RASEF: variants seen among roughly 807,000 people sequenced by gnomAD.
RASEF encodes RAS and EF-hand domain containing, also known as ras and EF-hand domain-containing protein.
RASEF carries 68 observed loss-of-function variants against 90.1 expected under a neutral mutation model. The ratio of observed to expected loss-of-function variants is 0.75; its 90% CI spans 0.62 to 0.92. RASEF has a LOEUF of 0.92. Ranked by LOEUF, RASEF falls within the 40% of genes least tolerant of loss-of-function variation. The pLI is 0.00. For missense variants in RASEF, 949 were observed against 937.2 expected (o/e 1.01, Z -0.16); for synonymous variants, 331 against 345.2 (o/e 0.96, Z 0.46).
At chr9:83,092,003 C>CTTTTTTTTTTTTTTT in the RASEF span, among the ~76,000 whole-genome samples, 162 of 35,366 alleles carry the variant, frequency 4.6e-3, 1 homozygote, top group Middle Eastern at 0.033. Context: ...TCTTTTATTT[C>CTTTTTTTTTTTTTTT]TTTTTTTTTT....
At chr9:83,151,807 G>A in the RASEF span, among the ~76,000 whole-genome samples, 4 of 152,294 alleles carry the variant, frequency 2.6e-5, no homozygotes, top group Non-Finnish European at 5.9e-5. Flanking sequence ...TCCTACAGAC[G>A]TCAGTCTCTG....
the RASEF span, among the ~76,000 whole-genome samples, chr9:83,130,878 C>T: frequency 0.028 from 4,221 of 152,248 alleles, 193 homozygotes; most frequent in African/African-American, 0.095. Context: ...CAGGACAATT[C>T]GAGAATAAAA....
chr9:83,141,227 A>C, the RASEF span, among the ~76,000 whole-genome samples: 1 of 152,084 alleles, frequency 6.6e-6, no homozygotes, highest in Non-Finnish European at 1.5e-5. Context: ...ATACTGCAAT[A>C]GCTAATGAAA....
At chr9:83,074,544 G>A in the RASEF span, among the ~76,000 whole-genome samples, 9 of 152,024 alleles carry the variant, frequency 5.9e-5, no homozygotes, top group East Asian at 1.7e-3. Context: ...TCACTGAAAT[G>A]GTTTTTATGT....
At chr9:83,103,440 T>C in the RASEF span, among the ~76,000 whole-genome samples, 1 of 152,166 alleles carries the variant, frequency 6.6e-6, no homozygotes, top group African/African-American at 2.4e-5. Flanking sequence ...TGAAATAATA[T>C]ATTTGGGATT....
At chr9:83,212,609 G>T in the RASEF span, among the ~76,000 whole-genome samples, 1 of 152,170 alleles carries the variant, frequency 6.6e-6, no homozygotes, top group African/African-American at 2.4e-5. Flanking sequence ...TTGGACCTCT[G>T]CGCTTCACTG....
chr9:83,188,277 GGT>G, the RASEF span, among the ~76,000 whole-genome samples: 12 of 152,146 alleles, frequency 7.9e-5, no homozygotes, highest in African/African-American at 2.9e-4. Flanking sequence ...TGGCCAGGAA[GGT>G]GTAATGGACT....
rs781056649 is a variant in RASEF at position 83,001,060 on chromosome 9, T to C, written c.1273A>G (p.Asn425Asp). 3.5e-5 allele frequency: 56 copies of C among 1,613,996 alleles called. No individual in the cohort carries two copies. The highest frequency in any genetic ancestry group is 4.3e-5 in the Non-Finnish European group (51 of 1,180,032). The change falls in exon 10 of 17, where the codon AAT becomes GAT. Residue 425 changes from asparagine (N) to aspartate (D), a missense_variant. This residue lies in a region of RASEF where 656 missense variants were observed against 592.2 expected (regional missense o/e 1.11). Transcript: ENST00000376447. ...LALCDPLQRTNCEVDSLPESC... is the reference protein window; with the variant it reads ...LALCDPLQRTDCEVDSLPESC... Reference sequence around the variant, plus strand: ...TCAGGCAGGCTGTCAACTTCACAATTTGTCCTCTGCAGAGGATCACAGAGG... The same window carrying C: ...TCAGGCAGGCTGTCAACTTCACAATCTGTCCTCTGCAGAGGATCACAGAGG...
the RASEF span, among the ~76,000 whole-genome samples, chr9:83,125,339 A>G: frequency 6.6e-6 from 1 of 152,330 alleles, no homozygotes; most frequent in East Asian, 1.9e-4. Context: ...GAAAGATCAC[A>G]GCCCTGTCAG....
the RASEF span, among the ~76,000 whole-genome samples, chr9:83,218,836 C>T: frequency 6.6e-6 from 1 of 152,156 alleles, no homozygotes; most frequent in Non-Finnish European, 1.5e-5. Flanking sequence ...AGAAAGTCGA[C>T]GGTCTGGGAA....
Position 83,062,958 on chromosome 9 carries a change from A to T in RASEF, c.-91T>A. The T allele has an allele frequency of 7.7e-7, 1 of 1,296,208 alleles. No homozygotes were observed. Among genetic ancestry groups the T allele is most frequent in the Non-Finnish European group, 9.9e-7 (1 of 1,006,634 alleles). The allele number at this position is 1,296,208 out of a possible 1,614,324, so 80.3% of individuals were successfully genotyped here. A position where few individuals can be genotyped will look rare whatever the true frequency, so the allele number is the denominator to read the frequency against. On this transcript the variant is annotated 5_prime_UTR_variant, in exon 1 of 17. Coordinates refer to ENST00000376447, the MANE Select transcript of RASEF (RefSeq NM_152573.4). ...GACGGGGCCACCTGCTGCCGCCGGG[A>T]GGCCCGGCGAGTTTGGCTCGTCCGG... is the stretch of plus-strand genomic sequence containing the variant.
At chr9:83,068,168 G>T (rs962583856), upstream of RASEF, among the ~76,000 whole-genome samples, 2 of 152,196 alleles carry the variant, frequency 1.3e-5, no homozygotes, top group African/African-American at 2.4e-5. Flanking sequence ...CGCCATACCT[G>T]GTCGCTGTTT....
chr9:83,048,675 T>A (rs1829977457), intron 1 of RASEF: 1 of 985,328 alleles, frequency 1.0e-6, no homozygotes, highest in Admixed American at 6.1e-5. Flanking sequence ...GATTTAACAT[T>A]TACTTTTTCC....
At chr9:83,079,667 G>C in the RASEF span, among the ~76,000 whole-genome samples, 1 of 151,984 alleles carries the variant, frequency 6.6e-6, no homozygotes, top group Non-Finnish European at 1.5e-5. Context: ...CTTGCGATAT[G>C]ATGATTAAAA....
rs758734670 is a variant in RASEF at position 83,025,926 on chromosome 9, C to T, written c.432-5G>A. On this transcript the variant is annotated splice_polypyrimidine_tract_variant and splice_region_variant and intron_variant, in intron 1 of 16. Coordinates refer to ENST00000376447, the MANE Select transcript of RASEF (RefSeq NM_152573.4). Reference sequence around the variant, plus strand: ...AAGGTACTAACTTGCTCTTCTCTGCCAAATAAATAAATAAAAATTAAACCA... The same window carrying T: ...AAGGTACTAACTTGCTCTTCTCTGCTAAATAAATAAATAAAAATTAAACCA... 3.2e-6 allele frequency: 5 copies of T among 1,552,924 alleles called. No homozygotes were observed. The Admixed American group carries it at 1.0e-4, about 32-fold the overall frequency.
At chr9:83,081,599 A>T in the RASEF span, among the ~76,000 whole-genome samples, 1 of 152,210 alleles carries the variant, frequency 6.6e-6, no homozygotes, top group Non-Finnish European at 1.5e-5. Flanking sequence ...GAAAGGTTTT[A>T]TATATCTTGT....
At chr9:83,006,439 G>A (rs571530269) in intron 7 of RASEF, among the ~76,000 whole-genome samples, 4 of 152,134 alleles carry the variant, frequency 2.6e-5, no homozygotes, top group East Asian at 3.9e-4. Flanking sequence ...AAAATAACTT[G>A]AAGGATTACT....
chr9:83,100,103 G>C, the RASEF span, among the ~76,000 whole-genome samples: 3 of 152,266 alleles, frequency 2.0e-5, no homozygotes, highest in African/African-American at 7.2e-5. Flanking sequence ...AGTTTTGAGT[G>C]AAAACAGACT....
At chr9:83,049,291 C>A (rs1041954977) in intron 1 of RASEF, 32 of 984,900 alleles carry the variant, frequency 3.2e-5, no homozygotes, top group Non-Finnish European at 3.6e-5. Context: ...TCAATGACAT[C>A]AGAATTAGCA....
Sources: allele counts gnomAD v4.1 joint callset (sites outside exome capture counted in the v4.1 genomes callset), GRCh38; gene constraint gnomAD v4.1.1; regional missense constraint gnomAD v4.1.1; transcripts MANE v1.5; gene names NCBI Gene and HGNC (gene_info 2026-07-23, HGNC 2026-07-21).